The following DIAPH1 variants were observed in gnomAD, a reference collection of about 807,000 sequenced individuals.
DIAPH1 encodes the protein diaphanous related formin 1.
A neutral mutation model predicts 140.7 loss-of-function variants in DIAPH1; 46 were observed. The ratio of observed to expected loss-of-function variants is 0.33; its 90% CI spans 0.26 to 0.42. The LOEUF (loss-of-function observed/expected upper bound fraction) is 0.42, where lower values mean the gene tolerates loss of function less well. Ranked by LOEUF, DIAPH1 falls within the 10% of genes least tolerant of loss-of-function variation. The pLI is 1.00. For synonymous variants in DIAPH1, 565 were observed against 551.6 expected (o/e 1.02, Z -0.34); for missense variants, 1,310 against 1,558.7 (o/e 0.84, Z 2.69).
At position 141,516,229 on chromosome 5, in the gene DIAPH1, G is replaced by A. The variant is rs1223521997; in HGVS notation, c.*622C>T. 6.0e-6 allele frequency: 1 copy of A among 165,922 alleles called. No individual in the cohort carries two copies. The highest frequency in any genetic ancestry group is 2.4e-5 in the African/African-American group (1 of 41,636). 10.3% of individuals were successfully genotyped at this position (165,922 alleles called of 1,614,324 possible). ...CTGGCCTGGGCCACAGCACAGCAGG[G>A]AAACTGGTCCAGATCCTTTGCTTTG... On this transcript the variant is annotated 3_prime_UTR_variant, in exon 28 of 28. Transcript: ENST00000389054.
At chr5:141,591,608 T>C (rs1024227947) in intron 1 of DIAPH1, among the ~76,000 whole-genome samples, 6 of 148,858 alleles carry the variant, frequency 4.0e-5, no homozygotes, top group Middle Eastern at 3.2e-3. Flanking sequence ...TGCCAAATCT[T>C]TGCATTCCCC....
intron 11 of DIAPH1, 142 bp downstream of exon 11, chr5:141,578,083 C>T: frequency 6.5e-6 from 5 of 774,404 alleles, no homozygotes; most frequent in South Asian, 1.4e-5. Flanking sequence ...AATAAAAATA[C>T]ACCTGCCTTA....
At chr5:141,548,938 A>T (rs903976525) in intron 18 of DIAPH1, among the ~76,000 whole-genome samples, 2 of 152,212 alleles carry the variant, frequency 1.3e-5, no homozygotes, top group African/African-American at 4.8e-5. Context: ...CACTAGGAGG[A>T]TAGTAAAAAG....
At chr5:141,578,126 G>T (rs763865225) in intron 11 of DIAPH1, 99 bp downstream of exon 11, 128 of 897,434 alleles carry the variant, frequency 1.4e-4, no homozygotes, top group Non-Finnish European at 6.3e-5. Flanking sequence ...CTGATGCTCT[G>T]TTCTGAGTCA....
At chr5:141,585,657 G>A (rs1363953065) in intron 3 of DIAPH1, among the ~76,000 whole-genome samples, 2 of 152,054 alleles carry the variant, frequency 1.3e-5, no homozygotes, top group Non-Finnish European at 2.9e-5. Context: ...AAAATTAGCC[G>A]GGCATGGTGG....
rs1251709997 is a variant in DIAPH1 at position 141,583,506 on chromosome 5, G to C, written c.512C>G (p.Ser171Cys). ...LLSCLESLRV[S>C]LNNNPVSWVQ... ...TCACCTGACAGGGTTGTTGTTGAGA[G>C]ACACACGAAGGGACTCCAGGCAGCT... The change falls in exon 5 of 28, where the codon TCT becomes TGT. Residue 171 changes from serine to cysteine, a missense_variant. Physicochemically the swap from Ser to Cys is moderately radical, Grantham distance 112. This residue lies in a region of DIAPH1 where 377 missense variants were observed against 497.1 expected (regional missense o/e 0.76). Coordinates refer to ENST00000389054, the MANE Select transcript of DIAPH1 (RefSeq NM_005219.5). 2 of 1,614,036 alleles carry C rather than the reference G, an allele frequency of 1.2e-6. No individual in the cohort carries two copies. The highest frequency in any genetic ancestry group is 1.7e-6 in the Non-Finnish European group (2 of 1,180,030).
At chr5:141,583,726 A>G in intron 4 of DIAPH1, 111 bp from the exon 5 acceptor site, 1 of 1,466,238 alleles carries the variant, frequency 6.8e-7, no homozygotes. Context: ...TTTTTAGCAG[A>G]GACAAGGTCT....
Position 141,527,117 on chromosome 5 carries a change from C to T in DIAPH1, c.3273+456G>A, listed in dbSNP as rs541615011. 7.2e-5 allele frequency among the ~76,000 whole-genome samples: 11 copies of T among 152,052 alleles called. No homozygotes were observed. In the South Asian group the frequency reaches 1.2e-3, roughly 17 times the overall value. On this transcript the variant is annotated intron_variant, in intron 24 of 27. Coordinates refer to ENST00000389054, the MANE Select transcript of DIAPH1 (RefSeq NM_005219.5). ...CATGTGTGAGCGTGTGTAGTGGAGACGGGGTACAGGCAGGGGAGTTGGTGG... is the reference window on the plus strand; with the variant it reads ...CATGTGTGAGCGTGTGTAGTGGAGATGGGGTACAGGCAGGGGAGTTGGTGG...
chr5:141,611,523 T>C (rs761054413), intron 1 of DIAPH1, among the ~76,000 whole-genome samples: 8 of 151,914 alleles, frequency 5.3e-5, no homozygotes, highest in Non-Finnish European at 1.0e-4. Flanking sequence ...ACTACTGCAT[T>C]CCAACTTAGG....
At chr5:141,598,702 C>A (rs140228597) in intron 1 of DIAPH1, among the ~76,000 whole-genome samples, 4,789 of 151,954 alleles carry the variant, frequency 0.032, 117 homozygotes, top group Admixed American at 0.056. Flanking sequence ...ACAACAACAA[C>A]AACAAAAAAG....
intron 3 of DIAPH1, 90 bp from the exon 4 acceptor site, chr5:141,584,315 G>C: frequency 2.7e-6 from 2 of 739,150 alleles, no homozygotes; most frequent in Non-Finnish European, 4.8e-6. Context: ...TTAGTGAAGA[G>C]TTGAGCATGT....
chr5:141,606,906 A>G (rs1373600638), intron 1 of DIAPH1, among the ~76,000 whole-genome samples: 1 of 151,676 alleles, frequency 6.6e-6, no homozygotes, highest in Non-Finnish European at 1.5e-5. Flanking sequence ...TCAGTCTCCT[A>G]TATTAGATCA....
At chr5:141,582,196 A>G (rs2099896882) in intron 7 of DIAPH1, 116 bp downstream of exon 7, 8 of 791,234 alleles carry the variant, frequency 1.0e-5, no homozygotes, top group South Asian at 7.0e-5. Flanking sequence ...ATGATACTAA[A>G]AGAGAAAGCT....
intron 27 of DIAPH1, among the ~76,000 whole-genome samples, chr5:141,523,569 G>A (rs373077630): frequency 6.6e-6 from 1 of 152,114 alleles, no homozygotes; most frequent in Admixed American, 6.5e-5. Flanking sequence ...GATGGGGAAG[G>A]CAAGGGCAAT....
In DIAPH1 at chr5:141,529,293, T is replaced by G; in HGVS notation, c.2677-20A>C. 2 of 1,597,294 alleles carry G rather than the reference T, an allele frequency of 1.3e-6. No homozygotes were observed. Among genetic ancestry groups the G allele is most frequent in the Non-Finnish European group, 1.7e-6 (2 of 1,164,612 alleles). On this transcript the variant is annotated intron_variant, in intron 20 of 27. Coordinates refer to ENST00000389054, the MANE Select transcript of DIAPH1 (RefSeq NM_005219.5). ...GAGGTTCTGAAAGACAGAAGAGACA[T>G]CTCAGCTGGAGGGGAATTCGCTAAC...
In DIAPH1 at chr5:141,601,083, G is replaced by C. The variant is rs1193251880; in HGVS notation, c.118-12833C>G. ...CACACACCGGGGCCTGTTGTGGGAT[G>C]GGGGGAGAGGGGAGGGATAGCATTA... On this transcript the variant is annotated intron_variant, in intron 1 of 27. Coordinates refer to ENST00000389054, the MANE Select transcript of DIAPH1 (RefSeq NM_005219.5). Among the ~76,000 whole-genome samples the C allele has an allele frequency of 4.6e-5, 7 of 151,940 alleles. No individual in the cohort carries two copies. In the East Asian group the frequency reaches 5.8e-4, roughly 13 times the overall value.
At chr5:141,558,310 T>C (rs1184890552) in intron 18 of DIAPH1, 3 of 152,164 alleles carry the variant, frequency 2.0e-5, no homozygotes, top group African/African-American at 7.2e-5. Context: ...GGTCCTTTTA[T>C]AGTACATGAT....
At chr5:141,616,350 A>C (rs1186484874) in intron 1 of DIAPH1, among the ~76,000 whole-genome samples, 2 of 152,214 alleles carry the variant, frequency 1.3e-5, no homozygotes, top group Non-Finnish European at 2.9e-5. Flanking sequence ...AAATGCAAAC[A>C]ACCTTCGGGC....
chr5:141,605,563 C>T (rs1347599498), intron 1 of DIAPH1, among the ~76,000 whole-genome samples: 3 of 152,190 alleles, frequency 2.0e-5, no homozygotes, highest in African/African-American at 7.2e-5. Flanking sequence ...TGACAAGGCA[C>T]AGTTACAAAG....
Sources: allele counts gnomAD v4.1 joint callset (sites outside exome capture counted in the v4.1 genomes callset), GRCh38; gene constraint gnomAD v4.1.1; regional missense constraint gnomAD v4.1.1; transcripts MANE v1.5; gene names NCBI Gene and HGNC (gene_info 2026-07-23, HGNC 2026-07-21).